MORC4: variants seen among roughly 807,000 people sequenced by gnomAD.
The protein encoded by MORC4 is MORC family CW-type zinc finger protein 4.
MORC4 carries 22 observed loss-of-function variants against 65.5 expected under a neutral mutation model. That is an observed-to-expected ratio of 0.34 (90% CI 0.24 to 0.48). MORC4 has a LOEUF of 0.48. Ranked by LOEUF, MORC4 falls within the 20% of genes least tolerant of loss-of-function variation. MORC4 has a pLI of 0.99. For synonymous variants in MORC4, 267 were observed against 255.8 expected (o/e 1.04, Z -0.42); for missense variants, 624 against 703.0 (o/e 0.89, Z 1.27).
In MORC4 at chrX:106,958,321, G is replaced by A; in HGVS notation, c.1385+15C>T. 1.7e-6 allele frequency: 2 copies of A among 1,194,264 alleles called. No individual in the cohort carries two copies. Among genetic ancestry groups the A allele is most frequent in the Non-Finnish European group, 2.3e-6 (2 of 884,857 alleles). ...GGAGTTACCTTGAGCATAAGATTGAGTCCTGGAACCTTACCTGTACTTTGG... is the reference window on the plus strand; with the variant it reads ...GGAGTTACCTTGAGCATAAGATTGAATCCTGGAACCTTACCTGTACTTTGG... On this transcript the variant is annotated intron_variant, in intron 11 of 16. Coordinates refer to ENST00000355610, the MANE Select transcript of MORC4 (RefSeq NM_024657.5).
intron 13 of MORC4, 56 bp downstream of exon 13, chrX:106,956,424 T>C: frequency 9.8e-7 from 1 of 1,024,140 alleles, no homozygotes; most frequent in Admixed American, 2.2e-5. Flanking sequence ...TCAACTTATA[T>C]TTTCTGTTGG....
In MORC4 at chrX:106,995,495, T is replaced by C. The variant is rs78385727; in HGVS notation, c.176-2133A>G. On this transcript the variant is annotated intron_variant, in intron 2 of 16. Transcript: ENST00000355610. ...CACATAGAAGTTAGAACATTCCACATAGTTTGCCTTCTGTGCCTGGCTTAT... is the reference window on the plus strand; with the variant it reads ...CACATAGAAGTTAGAACATTCCACACAGTTTGCCTTCTGTGCCTGGCTTAT... Among the ~76,000 whole-genome samples the C allele has an allele frequency of 1.5e-4, 17 of 112,281 alleles. No individual in the cohort carries two copies. In the East Asian group the frequency reaches 4.5e-3, roughly 30 times the overall value.
At position 106,941,371 on chromosome X, in the gene MORC4, T is replaced by TGAGAGAGA. The variant is rs58310740; in HGVS notation, c.*100_*107dup. ...TCTATATAAGGCATAAAGGTGAGGG[T>TGAGAGAGA]GAGAGAGAGAGAGAGAGAGAGAGAG... On this transcript the variant is annotated 3_prime_UTR_variant, in exon 17 of 17. Transcript: ENST00000355610. The TGAGAGAGA allele has an allele frequency of 9.5e-3, 3,743 of 394,041 alleles. 68 individuals carry two copies. The highest frequency in any genetic ancestry group is 0.051 in the African/African-American group (1,542 of 30,448). 32.5% of individuals were successfully genotyped at this position (394,041 alleles called of 1,213,427 possible).
At chrX:106,949,950 C>T (rs1187253697) in intron 14 of MORC4, among the ~76,000 whole-genome samples, 1 of 112,131 alleles carries the variant, frequency 8.9e-6, no homozygotes, top group Non-Finnish European at 1.9e-5. Flanking sequence ...AAGCCTGGTT[C>T]CCAGGAGGTG....
At chrX:106,958,246 A>T in intron 11 of MORC4, 90 bp downstream of exon 11, 1 of 893,625 alleles carries the variant, frequency 1.1e-6, no homozygotes, top group Non-Finnish European at 1.6e-6. Flanking sequence ...TGCCAGGCTG[A>T]AGGGTGTGAA....
intron 14 of MORC4, among the ~76,000 whole-genome samples, chrX:106,949,920 A>C (rs1933933178): frequency 8.9e-6 from 1 of 111,898 alleles, no homozygotes; most frequent in African/African-American, 3.2e-5. Flanking sequence ...ATTGCCAAGG[A>C]TGTATGTGAT....
At chrX:106,955,121 C>A in intron 13 of MORC4, 33 bp from the exon 14 acceptor site, 6 of 1,061,784 alleles carry the variant, frequency 5.7e-6, no homozygotes, top group Non-Finnish European at 7.7e-6. Context: ...GTAAAAGTCT[C>A]AAATTCAAAC....
At chrX:106,960,921 C>A (rs1020790297) in intron 10 of MORC4, among the ~76,000 whole-genome samples, 8 of 111,792 alleles carry the variant, frequency 7.2e-5, no homozygotes, top group Non-Finnish European at 1.5e-4. Context: ...ATAATAGGTA[C>A]CTACTCCAAA....
intron 11 of MORC4, among the ~76,000 whole-genome samples, chrX:106,957,906 A>G (rs1350334119): frequency 8.9e-6 from 1 of 112,279 alleles, no homozygotes; most frequent in African/African-American, 3.2e-5. Context: ...AAAACATCCA[A>G]AAAGTACAAA....
chrX:106,953,499 T>C (rs1048786291), intron 14 of MORC4, among the ~76,000 whole-genome samples: 4 of 111,527 alleles, frequency 3.6e-5, no homozygotes, highest in African/African-American at 1.3e-4. Context: ...ATGGAAACGG[T>C]GTAATTAGGC....
rs41304048 is a variant in MORC4, at chrX:106,978,159, T to C, written c.977A>G (p.Asn326Ser). The C allele has an allele frequency of 0.02, 23,900 of 1,206,041 alleles. 180 individuals carry two copies. The highest frequency in any genetic ancestry group is 0.023 in the Non-Finnish European group (20,447 of 892,340). Residue 326 changes from asparagine (N) to serine (S), a missense_variant, in exon 8 of 17, where the codon AAT (asparagine) becomes AGT (serine). By Grantham distance (46) the Asn-to-Ser change is conservative (BLOSUM62 1). Transcript: ENST00000355610. The part of the protein sequence containing the change: ...VRITFGFSCK[N>S]SNQFGIMMYH... The stretch of plus-strand genomic sequence containing the variant: ...CATCATTATTCCAAACTGGTTACTA[T>C]TCTTGCAAGAGAACCCAAAGGTGAT...
At chrX:106,999,097 G>A (rs1602514694) in intron 2 of MORC4, among the ~76,000 whole-genome samples, 1 of 111,730 alleles carries the variant, frequency 9.0e-6, no homozygotes, top group African/African-American at 3.3e-5. Context: ...GGAGCGAGAG[G>A]TTAAGTCCTC....
At chrX:106,967,785 C>A (rs1000388588) in intron 9 of MORC4, among the ~76,000 whole-genome samples, 1 of 111,551 alleles carries the variant, frequency 9.0e-6, no homozygotes, top group African/African-American at 3.3e-5. Context: ...TGAAAAGAAA[C>A]AAACAAAGCC....
At chrX:106,974,807 C>G (rs1934590389) in intron 9 of MORC4, among the ~76,000 whole-genome samples, 1 of 111,462 alleles carries the variant, frequency 9.0e-6, no homozygotes, top group Non-Finnish European at 1.9e-5. Context: ...TAATCCCTCT[C>G]TTAAATTCCT....
At chrX:106,967,407 C>A (rs189770815) in intron 9 of MORC4, among the ~76,000 whole-genome samples, 32 of 112,111 alleles carry the variant, frequency 2.9e-4, no homozygotes, top group African/African-American at 9.7e-4. Flanking sequence ...AACACCTCTT[C>A]TCCTCCAAAG....
chrX:106,983,173 A>C (rs190028008), intron 5 of MORC4, among the ~76,000 whole-genome samples: 1 of 112,286 alleles, frequency 8.9e-6, no homozygotes, highest in African/African-American at 3.2e-5. Flanking sequence ...AGGGAAAGTC[A>C]ACCTGTATAC....
rs765299972 is a variant in MORC4 at position 106,956,927 on chromosome X, A to G, written c.1454+9T>C. 3 of 1,176,812 alleles carry G rather than the reference A, an allele frequency of 2.5e-6. No individual in the cohort carries two copies. The highest frequency in any genetic ancestry group is 3.5e-6 in the Non-Finnish European group (3 of 866,281). Reference sequence around the variant, plus strand: ...TATGGTAGAGAACCCCATCTCATGTATACTCAACTGTTTCTTAGCTTTGCT... The same window carrying G: ...TATGGTAGAGAACCCCATCTCATGTGTACTCAACTGTTTCTTAGCTTTGCT... On this transcript the variant is annotated intron_variant, in intron 12 of 16. Coordinates refer to ENST00000355610, the MANE Select transcript of MORC4 (RefSeq NM_024657.5).
intron 14 of MORC4, among the ~76,000 whole-genome samples, chrX:106,948,634 T>C (rs1933905386): frequency 8.9e-6 from 1 of 111,897 alleles, no homozygotes; most frequent in Admixed American, 9.5e-5. Flanking sequence ...TGGCAACAAA[T>C]TCCTTCAGCT....
At position 106,941,904 on chromosome X, in the gene MORC4, C is replaced by T. The variant is rs377624995; in HGVS notation, c.2660+34G>A. 5.1e-4 allele frequency: 602 copies of T among 1,178,419 alleles called. 1 individual carries two copies. Among genetic ancestry groups the T allele is most frequent in the South Asian group, 1.2e-3 (61 of 51,866 alleles). ...TCCTAAGGGATGCTTCCCATTAGCA[C>T]TCACAAGCTGATAACTAAACCCTAG... On this transcript the variant is annotated intron_variant, in intron 16 of 16. Transcript: ENST00000355610.
Sources: gnomAD v4.1 joint callset for allele counts (sites outside exome capture counted in the v4.1 genomes callset) on GRCh38, gnomAD v4.1.1 for gene constraint, MANE v1.5 for transcripts, NCBI Gene and HGNC (gene_info 2026-07-23, HGNC 2026-07-21) for gene names.